ZGPAT: variants seen among roughly 807,000 people sequenced by gnomAD.
ZGPAT encodes the protein zinc finger CCCH-type and G-patch domain containing.
Under a neutral mutation model 47.9 loss-of-function variants are expected in ZGPAT, and 39 were observed. That is an observed-to-expected ratio of 0.81 (90% CI 0.63 to 1.06). The LOEUF (loss-of-function observed/expected upper bound fraction) is 1.06, where lower values mean the gene tolerates loss of function less well. ZGPAT is among the 50% of genes least tolerant of loss of function. The pLI, the probability that ZGPAT is intolerant of heterozygous loss-of-function variation, is 0.00. For missense variants in ZGPAT, 717 were observed against 681.4 expected (o/e 1.05, Z -0.58); for synonymous variants, 348 against 292.9 (o/e 1.19, Z -1.92).
At chr20:63,717,762 G>A (rs1169844065) in intron 2 of ZGPAT, among the ~76,000 whole-genome samples, 2 of 152,082 alleles carry the variant, frequency 1.3e-5, no homozygotes, top group Non-Finnish European at 2.9e-5. Flanking sequence ...TTTTGCAGAG[G>A]CCAGGCACAG....
intron 4 of ZGPAT, 170 bp from the exon 5 acceptor site, chr20:63,734,535 G>A (rs973252493): frequency 5.4e-6 from 7 of 1,306,238 alleles, no homozygotes; most frequent in Non-Finnish European, 6.3e-6. Context: ...AGCCCAAGAG[G>A]TGGGGTGTCG....
At chr20:63,730,241 C>A (rs1301670228) in intron 2 of ZGPAT, 1 of 152,244 alleles carries the variant, frequency 6.6e-6, no homozygotes, top group Non-Finnish European at 1.5e-5. Context: ...GTCTCTGCTG[C>A]AGTGCATTTG....
At chr20:63,728,351 T>C (rs2091864960) in intron 2 of ZGPAT, among the ~76,000 whole-genome samples, 2 of 152,220 alleles carry the variant, frequency 1.3e-5, no homozygotes, top group Non-Finnish European at 2.9e-5. Flanking sequence ...TTCTATTTTT[T>C]AGTCTGGCTT....
intron 2 of ZGPAT, among the ~76,000 whole-genome samples, chr20:63,724,101 T>C (rs1046547145): frequency 1.3e-5 from 2 of 151,744 alleles, no homozygotes; most frequent in Non-Finnish European, 2.9e-5. Flanking sequence ...AATGGTGGCT[T>C]TTATCTCTAA....
chr20:63,727,202 CTTT>C (rs1269573598), intron 2 of ZGPAT, among the ~76,000 whole-genome samples: 1 of 151,270 alleles, frequency 6.6e-6, no homozygotes, highest in African/African-American at 2.4e-5. Flanking sequence ...AGTGATTGTC[CTTT>C]TTAACTCTGG....
At chr20:63,732,098 T>G (rs77822456) in intron 2 of ZGPAT, among the ~76,000 whole-genome samples, 3 of 151,910 alleles carry the variant, frequency 2.0e-5, no homozygotes, top group Non-Finnish European at 4.4e-5. Flanking sequence ...TGCATGTATG[T>G]GTATATGCAT....
chr20:63,736,137 G>A lies in ZGPAT; in HGVS notation c.*218G>A, dbSNP rs896800434. 2 of 638,540 alleles carry A rather than the reference G, an allele frequency of 3.1e-6. No individual in the cohort carries two copies. Among genetic ancestry groups the A allele is most frequent in the South Asian group, 2.0e-5 (1 of 50,444 alleles). The allele number at this position is 638,540 out of a possible 1,614,324, so 39.6% of individuals were successfully genotyped here. A position where few individuals can be genotyped will look rare whatever the true frequency, so the allele number is the denominator to read the frequency against. ...AGGACATTAAAGTGATTTCATCACA[G>A]TGTCATTCAGTGGAGATCAGCTGGC... On this transcript the variant is annotated 3_prime_UTR_variant, in exon 7 of 7. Transcript: ENST00000355969.
At chr20:63,721,103 G>T (rs763332224) in intron 2 of ZGPAT, among the ~76,000 whole-genome samples, 7 of 152,276 alleles carry the variant, frequency 4.6e-5, no homozygotes, top group Non-Finnish European at 1.0e-4. Context: ...TGTAATGCTA[G>T]GACTTTGGGA....
chr20:63,724,363 T>TAA (rs59890523), intron 2 of ZGPAT, among the ~76,000 whole-genome samples: 77,074 of 124,064 alleles, frequency 0.62, 23,888 homozygotes, highest in Middle Eastern at 0.71. Flanking sequence ...AGACTCTGCC[T>TAA]AAAAAAAAAA....
rs752017833 is a variant in ZGPAT, at chr20:63,733,757, G to A, written c.871+18G>A. 1.3e-6 allele frequency: 2 copies of A among 1,593,320 alleles called. No homozygotes were observed. Among genetic ancestry groups the A allele is most frequent in the Non-Finnish European group, 1.7e-6 (2 of 1,168,352 alleles). ...TGCCAGAGGTATGGCAGCAGCTGCG[G>A]AGCCCAGGAGCCAGGAAGGTGGGGT... On this transcript the variant is annotated intron_variant, in intron 4 of 6. Coordinates refer to ENST00000355969, the MANE Select transcript of ZGPAT (RefSeq NM_181485.3).
intron 2 of ZGPAT, among the ~76,000 whole-genome samples, chr20:63,720,833 C>T (rs1490180753): frequency 1.3e-5 from 2 of 152,198 alleles, no homozygotes; most frequent in African/African-American, 2.4e-5. Context: ...TTGAAACCTG[C>T]ACAATTTGAA....
chr20:63,725,197 G>A (rs1214897446), intron 2 of ZGPAT, among the ~76,000 whole-genome samples: 1 of 152,082 alleles, frequency 6.6e-6, no homozygotes, highest in Non-Finnish European at 1.5e-5. Context: ...TGTTAGCCAG[G>A]ATGGTCTTGA....
intron 2 of ZGPAT, among the ~76,000 whole-genome samples, chr20:63,711,250 TC>T (rs1331377973): frequency 6.6e-6 from 1 of 152,168 alleles, no homozygotes; most frequent in Non-Finnish European, 1.5e-5. Context: ...GGTCTCGAAT[TC>T]CTGATCCCTT....
Position 63,715,197 on chromosome 20 carries a change from G to T in ZGPAT, c.584+6033G>T, listed in dbSNP as rs1004802153. Among the ~76,000 whole-genome samples, 4 of 151,596 alleles carry T rather than the reference G, an allele frequency of 2.6e-5. No individual in the cohort carries two copies. The East Asian group carries it at 7.7e-4, about 29-fold the overall frequency. ...TCCTCCTGCCTCAGCCTCCGAAAGCGCTGGGATTATAGGCATGAGCCACTT... is the reference window on the plus strand; with the variant it reads ...TCCTCCTGCCTCAGCCTCCGAAAGCTCTGGGATTATAGGCATGAGCCACTT... On this transcript the variant is annotated intron_variant, in intron 2 of 6. Transcript: ENST00000355969.
rs1207377435 is a variant in ZGPAT at position 63,735,246 on chromosome 20, C to A, written c.1079C>A (p.Thr360Asn). 6.2e-7 allele frequency: 1 copy of A among 1,603,038 alleles called. No individual in the cohort carries two copies. The highest frequency in any genetic ancestry group is 1.7e-5 in the Admixed American group (1 of 58,058). Residue 360 changes from threonine to asparagine, a missense_variant, in exon 6 of 7, where the codon ACC (threonine) becomes AAC (asparagine). Coordinates refer to ENST00000355969, the MANE Select transcript of ZGPAT (RefSeq NM_181485.3). ...RGKSLDQCVE[T>N]LQKQTRVGKA... The stretch of plus-strand genomic sequence containing the variant: ...AAGTCGCTGGACCAGTGTGTGGAGA[C>A]CCTGCAGAAGCAGACCAGGGTTGGC...
intron 2 of ZGPAT, among the ~76,000 whole-genome samples, chr20:63,719,080 A>AG (rs4063142): frequency 6.6e-6 from 1 of 151,212 alleles, no homozygotes; most frequent in Non-Finnish European, 1.5e-5. Flanking sequence ...AAAAAAAAAA[A>AG]TGTCATCTCA....
intron 2 of ZGPAT, among the ~76,000 whole-genome samples, chr20:63,730,768 C>T (rs764611070): frequency 6.6e-5 from 10 of 152,172 alleles, no homozygotes; most frequent in Non-Finnish European, 1.2e-4. Flanking sequence ...AGGCGTGAGC[C>T]GCTGCACCTG....
intron 2 of ZGPAT, among the ~76,000 whole-genome samples, chr20:63,732,573 G>C (rs1163918792): frequency 6.6e-6 from 1 of 152,100 alleles, no homozygotes; most frequent in Non-Finnish European, 1.5e-5. Context: ...GTATTTGCAT[G>C]AGTTCATGTG....
intron 5 of ZGPAT, 33 bp downstream of exon 5, chr20:63,734,857 G>A (rs746326272): frequency 6.5e-7 from 1 of 1,544,358 alleles, no homozygotes; most frequent in Non-Finnish European, 8.7e-7. Flanking sequence ...AAGTGGGCAG[G>A]CTGCTGCAGC....
Sources: gnomAD v4.1 joint callset for allele counts (sites outside exome capture counted in the v4.1 genomes callset) on GRCh38, gnomAD v4.1.1 for gene constraint, MANE v1.5 for transcripts, NCBI Gene and HGNC (gene_info 2026-07-23, HGNC 2026-07-21) for gene names.